The following ZNF277 variants were observed in gnomAD, a reference collection of about 807,000 sequenced individuals.
The protein encoded by ZNF277 is zinc finger protein 277, also known as nuclear receptor-interacting factor 4.
In ZNF277, 55 loss-of-function variants were observed where a neutral mutation model predicts 60.7. The observed-to-expected ratio is 0.91, with a 90% CI of 0.73 to 1.13. ZNF277 has a LOEUF of 1.13. ZNF277 is among the 50% of genes most tolerant of loss of function. The probability of loss-of-function intolerance (pLI) is 0.00; values close to 1 mark genes in which losing one functional copy is unlikely to be tolerated. For synonymous variants in ZNF277, 178 were observed against 179.3 expected (o/e 0.99, Z 0.06); for missense variants, 510 against 523.0 (o/e 0.98, Z 0.24).
intron 1 of ZNF277, among the ~76,000 whole-genome samples, chr7:112,269,352 AAT>A (rs781731388): frequency 6.6e-6 from 1 of 152,140 alleles, no homozygotes; most frequent in African/African-American, 2.4e-5. Flanking sequence ...TTCTCCATTT[AAT>A]ATGTTTATCT....
intron 1 of ZNF277, among the ~76,000 whole-genome samples, chr7:112,216,059 G>C (rs1021928261): frequency 1.1e-4 from 17 of 152,204 alleles, no homozygotes; most frequent in Non-Finnish European, 8.8e-5. Flanking sequence ...TTTCTCAAAT[G>C]AAGGAGGAGA....
chr7:112,250,366 G>C (rs1050251016), intron 1 of ZNF277, among the ~76,000 whole-genome samples: 1 of 152,070 alleles, frequency 6.6e-6, no homozygotes, highest in Non-Finnish European at 1.5e-5. Context: ...ATTTAGCCTC[G>C]GTCCTGTGGT....
chr7:112,252,924 T>C (rs1791230272), intron 1 of ZNF277, among the ~76,000 whole-genome samples: 1 of 152,172 alleles, frequency 6.6e-6, no homozygotes, highest in Non-Finnish European at 1.5e-5. Context: ...GGCCACCTAC[T>C]GAGGATAGAA....
chr7:112,271,240 A>G (rs1324854024), intron 1 of ZNF277, among the ~76,000 whole-genome samples: 1 of 152,130 alleles, frequency 6.6e-6, no homozygotes, highest in Non-Finnish European at 1.5e-5. Flanking sequence ...TTTTGGATTT[A>G]TTTTTGTTAT....
At chr7:112,286,841 C>CTTTTTTTTTCTTTTTTTTTTTTT in intron 1 of ZNF277, 32 bp from the exon 2 acceptor site, 1 of 947,882 alleles carries the variant, frequency 1.1e-6, no homozygotes, top group African/African-American at 2.9e-5. Flanking sequence ...TTCTTTCTTT[C>CTTTTTTTTTCTTTTTTTTTTTTT]TTTTTTTTTT....
intron 4 of ZNF277, among the ~76,000 whole-genome samples, chr7:112,296,923 T>TATTTATTTATTA (rs1563219765): frequency 2.7e-5 from 2 of 74,934 alleles, no homozygotes; most frequent in African/African-American, 9.0e-5. Context: ...TTTTTTTTTT[T>TATTTATTTATTA]TTTTTTTTTT....
intron 3 of ZNF277, 24 bp from the exon 4 acceptor site, chr7:112,296,205 T>C (rs374427609): frequency 9.2e-5 from 136 of 1,478,200 alleles, no homozygotes; most frequent in Non-Finnish European, 2.2e-5. Context: ...TGTTTTCTTA[T>C]TTGTTTTCCT....
chr7:112,283,089 A>C (rs1791984162), intron 1 of ZNF277, among the ~76,000 whole-genome samples: 1 of 152,270 alleles, frequency 6.6e-6, no homozygotes, highest in Admixed American at 6.5e-5. Context: ...AAGGGCTAAC[A>C]GCCTGAAGTG....
At chr7:112,241,496 G>A (rs544425673) in intron 1 of ZNF277, among the ~76,000 whole-genome samples, 1 of 152,250 alleles carries the variant, frequency 6.6e-6, no homozygotes, top group Admixed American at 6.5e-5. Context: ...CCTGCTCCTA[G>A]GTGTATACCC....
intron 7 of ZNF277, among the ~76,000 whole-genome samples, chr7:112,335,444 AC>A (rs1793310486): frequency 6.6e-6 from 1 of 152,154 alleles, no homozygotes; most frequent in Non-Finnish European, 1.5e-5. Flanking sequence ...AGTTTTGCTA[AC>A]GCTGTGACTA....
intron 1 of ZNF277, among the ~76,000 whole-genome samples, chr7:112,213,307 G>T (rs1157523678): frequency 6.6e-6 from 1 of 152,088 alleles, no homozygotes; most frequent in Non-Finnish European, 1.5e-5. Flanking sequence ...TCTTTCTTTT[G>T]TAAATTGCCC....
At chr7:112,338,575 C>T (rs763129360) in intron 9 of ZNF277, among the ~76,000 whole-genome samples, 1 of 152,184 alleles carries the variant, frequency 6.6e-6, no homozygotes, top group African/African-American at 2.4e-5. Flanking sequence ...GGACCATATT[C>T]TCTACTTTCA....
At position 112,343,079 on chromosome 7, in the gene ZNF277, C is replaced by G. The variant is rs931113320; in HGVS notation, c.*350C>G. The G allele has an allele frequency of 1.3e-5, 2 of 157,766 alleles. No individual in the cohort carries two copies. The highest frequency in any genetic ancestry group is 4.8e-5 in the African/African-American group (2 of 41,482). The allele number at this position is 157,766 out of a possible 1,614,324, so 9.8% of individuals were successfully genotyped here. On this transcript the variant is annotated 3_prime_UTR_variant, in exon 12 of 12. Coordinates refer to ENST00000361822, the MANE Select transcript of ZNF277 (RefSeq NM_021994.3). ...TGAAATGTTCAAATTATTTATAAAC[C>G]TGATTTTTCAATCAGTAGTTTCAGT... is the stretch of plus-strand genomic sequence containing the variant.
intron 1 of ZNF277, among the ~76,000 whole-genome samples, chr7:112,259,753 C>T (rs1341567211): frequency 6.6e-6 from 1 of 152,162 alleles, no homozygotes; most frequent in African/African-American, 2.4e-5. Context: ...ACAAAAGTAA[C>T]AGCTCATACA....
intron 1 of ZNF277, among the ~76,000 whole-genome samples, chr7:112,221,959 T>A (rs1472673611): frequency 2.6e-5 from 4 of 152,216 alleles, no homozygotes; most frequent in African/African-American, 9.7e-5. Context: ...AGTCATATAT[T>A]TTTTGTCCTT....
At chr7:112,229,351 T>C (rs1175047559) in intron 1 of ZNF277, among the ~76,000 whole-genome samples, 2 of 152,178 alleles carry the variant, frequency 1.3e-5, no homozygotes, top group African/African-American at 2.4e-5. Context: ...CATACAACAC[T>C]GCAAAGAAGA....
intron 1 of ZNF277, among the ~76,000 whole-genome samples, chr7:112,216,809 T>C (rs1354894761): frequency 2.0e-5 from 3 of 152,336 alleles, no homozygotes; most frequent in Non-Finnish European, 2.9e-5. Context: ...GGATATGGCC[T>C]GAAGAATTAG....
intron 1 of ZNF277, among the ~76,000 whole-genome samples, chr7:112,252,269 T>C (rs907910360): frequency 6.6e-6 from 1 of 152,194 alleles, no homozygotes; most frequent in Non-Finnish European, 1.5e-5. Flanking sequence ...GGGTAGCTTA[T>C]TGCAATTAAG....
At chr7:112,307,417 C>CT (rs1184993395) in intron 4 of ZNF277, among the ~76,000 whole-genome samples, 11 of 151,458 alleles carry the variant, frequency 7.3e-5, no homozygotes, top group East Asian at 1.9e-4. Flanking sequence ...GAATTTATTT[C>CT]TTTTTTTTGT....
Sources: allele counts gnomAD v4.1 joint callset (sites outside exome capture counted in the v4.1 genomes callset), GRCh38; gene constraint gnomAD v4.1.1; transcripts MANE v1.5; gene names NCBI Gene and HGNC (gene_info 2026-07-23, HGNC 2026-07-21).